DIXDC1: variants seen among roughly 807,000 people sequenced by gnomAD.
The protein encoded by DIXDC1 is dixin.
Under a neutral mutation model 103.1 loss-of-function variants are expected in DIXDC1, and 64 were observed. The observed-to-expected ratio is 0.62, with a 90% confidence interval of 0.51 to 0.76. The LOEUF is 0.76. Among genes scored for constraint, DIXDC1 ranks in the 30% least tolerant of loss-of-function variants. The pLI, the probability that DIXDC1 is intolerant of heterozygous loss-of-function variation, is 0.00. For synonymous variants in DIXDC1, 266 were observed against 298.5 expected, an observed-to-expected ratio of 0.89 and a Z score of 1.12; for missense variants, 759 against 834.2, an observed-to-expected ratio of 0.91 and a Z score of 1.11.
intron 1 of DIXDC1, among the ~76,000 whole-genome samples, chr11:111,963,982 C>T (rs914562035): frequency 7.2e-5 from 11 of 152,106 alleles, no homozygotes; most frequent in Admixed American, 2.6e-4. Context: ...ATTATTGGCT[C>T]AGGAGAATAA....
At chr11:111,986,519 C>T (rs1860496617) in intron 8 of DIXDC1, among the ~76,000 whole-genome samples, 1 of 151,980 alleles carries the variant, frequency 6.6e-6, no homozygotes, top group Non-Finnish European at 1.5e-5. Flanking sequence ...TGTGCACCAC[C>T]ACACCTGGCT....
intron 1 of DIXDC1, among the ~76,000 whole-genome samples, chr11:111,949,961 G>T (rs1555169745): frequency 6.6e-6 from 1 of 151,602 alleles, no homozygotes; most frequent in Non-Finnish European, 1.5e-5. Flanking sequence ...CAATCACTTT[G>T]TGTCCGTTAT....
intron 7 of DIXDC1, among the ~76,000 whole-genome samples, chr11:111,984,552 A>G (rs781991541): frequency 7.2e-5 from 11 of 152,180 alleles, no homozygotes; most frequent in Non-Finnish European, 1.3e-4. Context: ...TATTATAATA[A>G]TAACAATAAT....
chr11:111,940,995 G>A (rs1966399109), intron 1 of DIXDC1, among the ~76,000 whole-genome samples: 1 of 152,174 alleles, frequency 6.6e-6, no homozygotes, highest in South Asian at 2.1e-4. Flanking sequence ...CATGCCTGTC[G>A]TTTCAGCTCC....
intron 1 of DIXDC1, among the ~76,000 whole-genome samples, chr11:111,948,971 T>G (rs1966689219): frequency 6.6e-6 from 1 of 151,432 alleles, no homozygotes; most frequent in African/African-American, 2.4e-5. Flanking sequence ...TTTAGCGTCA[T>G]CACTGAATTC....
intron 2 of DIXDC1, among the ~76,000 whole-genome samples, chr11:111,932,049 T>TG (rs1966038775): frequency 8.3e-6 from 1 of 120,148 alleles, no homozygotes; most frequent in Non-Finnish European, 1.7e-5. Context: ...TTTTTTTTTT[T>TG]GAGACAGAGT....
chr11:111,953,860 G>A (rs185738368), intron 1 of DIXDC1, among the ~76,000 whole-genome samples: 7 of 152,230 alleles, frequency 4.6e-5, no homozygotes, highest in East Asian at 3.9e-4. Flanking sequence ...CTATCCATGC[G>A]TTCTGTATCC....
chr11:111,940,570 C>G (rs1408257724), intron 1 of DIXDC1, among the ~76,000 whole-genome samples: 1 of 152,054 alleles, frequency 6.6e-6, no homozygotes, highest in Non-Finnish European at 1.5e-5. Context: ...AACTTTGGTG[C>G]TTGTGTTGGG....
Position 112,021,435 on chromosome 11 carries a change from T to G in DIXDC1, c.*2399T>G, listed in dbSNP as rs1203948474. 6.6e-6 allele frequency: 1 copy of G among 152,126 alleles called. No homozygotes were observed. Among genetic ancestry groups the G allele is most frequent in the Admixed American group, 6.6e-5 (1 of 15,266 alleles). The allele number at this position is 152,126 out of a possible 1,614,324, so 9.4% of individuals were successfully genotyped here. On this transcript the variant is annotated 3_prime_UTR_variant, in exon 20 of 20. Coordinates refer to ENST00000440460, the MANE Select transcript of DIXDC1 (RefSeq NM_001037954.4). ...CTGAGCAGAAGTATGCAAGACTGAT[T>G]CTGTTTGGAACAGTTTCCTATTTGG...
intron 3 of DIXDC1, among the ~76,000 whole-genome samples, chr11:111,969,170 C>T (rs1392561823): frequency 6.6e-6 from 1 of 151,716 alleles, no homozygotes; most frequent in Non-Finnish European, 1.5e-5. Context: ...TGGCTCATAC[C>T]TGTAATCCCA....
At chr11:111,968,486 C>T in intron 2 of DIXDC1, 27 bp from the exon 3 acceptor site, 1 of 1,607,706 alleles carries the variant, frequency 6.2e-7, no homozygotes, top group South Asian at 1.1e-5. Context: ...CTCCCTATAA[C>T]TTCCTATATT....
chr11:111,942,633 C>A (rs1279138131), intron 1 of DIXDC1, among the ~76,000 whole-genome samples: 4 of 152,200 alleles, frequency 2.6e-5, no homozygotes, highest in African/African-American at 9.7e-5. Flanking sequence ...TACCTTGTAA[C>A]ATGTACTTGT....
chr11:112,002,340 G>A (rs1861094974), intron 17 of DIXDC1, among the ~76,000 whole-genome samples: 1 of 151,372 alleles, frequency 6.6e-6, no homozygotes. Context: ...ATGTAAATGA[G>A]TATAGTTAAA....
At chr11:111,940,534 T>TG (rs146097373) in intron 1 of DIXDC1, among the ~76,000 whole-genome samples, 3,953 of 152,266 alleles carry the variant, frequency 0.026, 184 homozygotes, top group African/African-American at 0.09. Context: ...AAGTGTTTTT[T>TG]GGGGGGCTGA....
At position 111,995,157 on chromosome 11, in the gene DIXDC1, A is replaced by G. The variant is rs116468463; in HGVS notation, c.1527+49A>G. On this transcript the variant is annotated intron_variant, in intron 15 of 19. Coordinates refer to ENST00000440460, the MANE Select transcript of DIXDC1 (RefSeq NM_001037954.4). ...AGTCCTGCCACTTCTCACTGAAACCAGAAGAGTGCCAAAGCCATGGCCAGT... is the reference window on the plus strand; with the variant it reads ...AGTCCTGCCACTTCTCACTGAAACCGGAAGAGTGCCAAAGCCATGGCCAGT... 2.4e-3 allele frequency: 3,750 copies of G among 1,584,948 alleles called. 48 individuals are homozygous for G. The African/African-American group carries it at 0.042, about 18-fold the overall frequency.
chr11:111,971,724 G>GTATGTC (rs1859936691), intron 3 of DIXDC1, among the ~76,000 whole-genome samples: 1 of 147,696 alleles, frequency 6.8e-6, no homozygotes, highest in Admixed American at 6.8e-5. Context: ...AATGTGGTGT[G>GTATGTC]TATATCTATA....
At chr11:111,952,306 T>G (rs782413483) in intron 1 of DIXDC1, among the ~76,000 whole-genome samples, 3 of 152,168 alleles carry the variant, frequency 2.0e-5, no homozygotes, top group Non-Finnish European at 1.5e-5. Context: ...TTTAATACAA[T>G]CCCAGTAAAA....
Position 112,017,213 on chromosome 11 carries a change from T to C in DIXDC1, c.1862+417T>C, listed in dbSNP as rs73561941. On this transcript the variant is annotated intron_variant, in intron 18 of 19. Coordinates refer to ENST00000440460, the MANE Select transcript of DIXDC1 (RefSeq NM_001037954.4). This position sits in a 1 kb window ranked among gnomAD's most constrained non-coding sequence, Gnocchi z 4.0. ...AGCTAATCCCTATTGAGAAATTATG[T>C]CAAAAACCTTCCAGAAAGTTAATGT... Among the ~76,000 whole-genome samples, 3,797 of 152,262 alleles carry C rather than the reference T, an allele frequency of 0.025. 163 individuals are homozygous for C. Among genetic ancestry groups the C allele is most frequent in the African/African-American group, 0.087 (3,599 of 41,536 alleles).
At chr11:111,982,127 T>G (rs1293965352) in intron 6 of DIXDC1, 1 of 446,330 alleles carries the variant, frequency 2.2e-6, no homozygotes, top group East Asian at 3.3e-5. Context: ...TAAAAGAGGA[T>G]AGATTGTTCT....
Sources: gnomAD v4.1 joint callset for allele counts (sites outside exome capture counted in the v4.1 genomes callset) on GRCh38, gnomAD v4.1.1 for gene constraint, Gnocchi (gnomAD v3.1) non-coding constraint, MANE v1.5 for transcripts, NCBI Gene and HGNC (gene_info 2026-07-23, HGNC 2026-07-21) for gene names.